Variants in MSI2 observed in about 807,000 individuals in gnomAD.
MSI2 encodes the protein RNA-binding protein Musashi homolog 2.
Under a neutral mutation model 45.6 loss-of-function variants are expected in MSI2, and 17 were observed. The ratio of observed to expected loss-of-function variants is 0.37; its 90% CI spans 0.26 to 0.56. MSI2 has a LOEUF of 0.56. MSI2 is among the 20% of genes least tolerant of loss of function. MSI2 has a pLI of 0.77. For missense variants in MSI2, 293 were observed against 444.2 expected (o/e 0.66, Z 3.06); for synonymous variants, 156 against 158.2 (o/e 0.99, Z 0.11).
intron 7 of MSI2, among the ~76,000 whole-genome samples, chr17:57,545,136 GC>G (rs1281391882): frequency 6.6e-6 from 1 of 152,170 alleles, no homozygotes; most frequent in East Asian, 1.9e-4. Context: ...GAACTGTATA[GC>G]AGATTTTCCC....
chr17:57,677,011 A>G lies in MSI2; in HGVS notation c.970A>G (p.Thr324Ala), dbSNP rs754324223. The change falls in exon 13 of 14, where the codon ACA (threonine) becomes GCA (alanine). Residue 324 changes from threonine (T) to alanine (A), a missense_variant. By Grantham distance (58) the Thr-to-Ala change is moderately conservative. Transcript: ENST00000284073. ...GGGACCTTTGATTGCAACGGCCTTT[A>G]CAAATGGATACCATTGAGCAGGTGC... ...IAGPLIATAF[T>A]NGYH 6.2e-7 allele frequency: 1 copy of G among 1,613,688 alleles called. No homozygotes were observed.
chr17:57,620,141 A>G (rs1251966312), intron 9 of MSI2, among the ~76,000 whole-genome samples: 2 of 152,212 alleles, frequency 1.3e-5, no homozygotes, highest in Non-Finnish European at 2.9e-5. Context: ...TCCAGAGGCA[A>G]GAGCTTGGGA....
At chr17:57,549,391 C>T (rs1259153603) in intron 7 of MSI2, among the ~76,000 whole-genome samples, 2 of 147,022 alleles carry the variant, frequency 1.4e-5, no homozygotes, top group Non-Finnish European at 3.0e-5. Context: ...CAACTAAAGT[C>T]GTGGTTGAGA....
At chr17:57,687,005 G>GC (rs36159001), downstream of MSI2, among the ~76,000 whole-genome samples, 62,555 of 146,904 alleles carry the variant, frequency 0.43, 13,423 homozygotes, top group Middle Eastern at 0.49. Context: ...TTGGCCAGCA[G>GC]CCCCCCCCCC....
At chr17:57,575,115 C>T (rs1484803538) in intron 7 of MSI2, among the ~76,000 whole-genome samples, 4 of 151,904 alleles carry the variant, frequency 2.6e-5, no homozygotes, top group African/African-American at 9.7e-5. Flanking sequence ...CAGGCGTGAG[C>T]CACTGTGCCC....
chr17:57,430,916 G>A (rs9912487), intron 6 of MSI2, among the ~76,000 whole-genome samples: 24,427 of 152,208 alleles, frequency 0.16, 2,348 homozygotes, highest in East Asian at 0.26. Context: ...TGTCCTGCCC[G>A]CCTCTTCTTC....
At chr17:57,365,888 G>C (rs538141596) in intron 5 of MSI2, among the ~76,000 whole-genome samples, 1 of 152,172 alleles carries the variant, frequency 6.6e-6, no homozygotes, top group African/African-American at 2.4e-5. Flanking sequence ...GCACATAGTA[G>C]AGTCTCAGTA....
At chr17:57,543,009 T>C (rs1011571124) in intron 7 of MSI2, among the ~76,000 whole-genome samples, 2 of 152,254 alleles carry the variant, frequency 1.3e-5, no homozygotes, top group African/African-American at 4.8e-5. Flanking sequence ...ACCATTAATC[T>C]ATGACAAGAG....
chr17:57,633,633 G>C (rs187286719), intron 10 of MSI2, among the ~76,000 whole-genome samples: 1 of 152,286 alleles, frequency 6.6e-6, no homozygotes, highest in East Asian at 1.9e-4. Flanking sequence ...AATGTTCTTG[G>C]ATATGAAGCC....
At chr17:57,258,040 AAGTT>A (rs1189249660) in intron 3 of MSI2, among the ~76,000 whole-genome samples, 2 of 152,006 alleles carry the variant, frequency 1.3e-5, no homozygotes, top group Non-Finnish European at 2.9e-5. Context: ...AGCATTTTCC[AAGTT>A]ACCTCCACCC....
chr17:57,506,215 C>T (rs573866178), intron 6 of MSI2, among the ~76,000 whole-genome samples: 187 of 152,318 alleles, frequency 1.2e-3, no homozygotes, highest in Non-Finnish European at 2.2e-3. Flanking sequence ...TCAGGGTTTC[C>T]CTGCTCCGGC....
chr17:57,440,618 TG>T (rs1386513774), intron 6 of MSI2: 8 of 152,396 alleles, frequency 5.2e-5, no homozygotes, highest in African/African-American at 1.9e-4. Flanking sequence ...CAGGCTGCCA[TG>T]GGACTTGAAT....
intron 5 of MSI2, among the ~76,000 whole-genome samples, chr17:57,271,736 A>G (rs1052390823): frequency 1.4e-5 from 2 of 141,950 alleles, no homozygotes; most frequent in Non-Finnish European, 3.0e-5. Context: ...TAGACGGGCC[A>G]CTGCAATCTT....
At chr17:57,331,514 G>A (rs753719356) in intron 5 of MSI2, among the ~76,000 whole-genome samples, 7 of 152,320 alleles carry the variant, frequency 4.6e-5, no homozygotes, top group Non-Finnish European at 7.3e-5. Flanking sequence ...AGCCACGTGA[G>A]GGTTGATCAT....
chr17:57,690,353 G>C, the MSI2 span, among the ~76,000 whole-genome samples: 5 of 151,598 alleles, frequency 3.3e-5, no homozygotes, highest in African/African-American at 9.7e-5. Context: ...GCTTATGCCT[G>C]TAATCTCAGC....
At chr17:57,465,232 C>T (rs1256111728) in intron 6 of MSI2, among the ~76,000 whole-genome samples, 4 of 152,004 alleles carry the variant, frequency 2.6e-5, no homozygotes, top group Admixed American at 1.3e-4. Context: ...GAAGCCAAGG[C>T]GGGTGGATCA....
chr17:57,466,377 T>C (rs2085330817), intron 6 of MSI2, among the ~76,000 whole-genome samples: 2 of 152,220 alleles, frequency 1.3e-5, no homozygotes, highest in Non-Finnish European at 2.9e-5. Context: ...AGCCGGTCTT[T>C]TGTATGCAAA....
intron 4 of MSI2, among the ~76,000 whole-genome samples, chr17:57,260,401 A>C (rs575013985): frequency 6.6e-6 from 1 of 152,122 alleles, no homozygotes; most frequent in South Asian, 2.1e-4. Context: ...TCTTCATTGC[A>C]CCTTACTTCT....
At chr17:57,290,230 G>T (rs528544495) in intron 5 of MSI2, among the ~76,000 whole-genome samples, 48 of 152,310 alleles carry the variant, frequency 3.2e-4, no homozygotes, top group African/African-American at 1.0e-3. Flanking sequence ...CAAGAAAAGG[G>T]CTGAGCCTAT....
Sources: gnomAD v4.1 joint callset for allele counts (sites outside exome capture counted in the v4.1 genomes callset) on GRCh38, gnomAD v4.1.1 for gene constraint, MANE v1.5 for transcripts, NCBI Gene and HGNC (gene_info 2026-07-23, HGNC 2026-07-21) for gene names.